The following GPM6B variants were observed in gnomAD, a reference collection of about 807,000 sequenced individuals.
GPM6B encodes neuronal membrane glycoprotein M6-b.
In GPM6B, 4 loss-of-function variants were observed where a neutral mutation model predicts 27.2. The observed-to-expected ratio is 0.15, with a 90% CI of 0.07 to 0.34. The LOEUF (loss-of-function observed/expected upper bound fraction) is 0.34, where lower values mean the gene tolerates loss of function less well. GPM6B is among the 10% of genes least tolerant of loss of function. The pLI is 1.00. For missense variants in GPM6B, 183 were observed against 261.9 expected (o/e 0.70, Z 2.08); for synonymous variants, 124 against 103.1 (o/e 1.20, Z -1.23).
At chrX:13,775,429 A>G (rs1429468820) in intron 7 of GPM6B, among the ~76,000 whole-genome samples, 2 of 112,569 alleles carry the variant, frequency 1.8e-5, no homozygotes, top group East Asian at 5.6e-4. Context: ...GTATACTCGA[A>G]GTATATTTAG....
intron 2 of GPM6B, among the ~76,000 whole-genome samples, chrX:13,802,598 T>C (rs1290218636): frequency 9.0e-6 from 1 of 110,967 alleles, no homozygotes; most frequent in Non-Finnish European, 1.9e-5. Flanking sequence ...GTAAATAAAC[T>C]ATAAAATCGT....
At chrX:13,849,084 C>A (rs1388244323) in intron 1 of GPM6B, among the ~76,000 whole-genome samples, 1 of 111,899 alleles carries the variant, frequency 8.9e-6, no homozygotes, top group Non-Finnish European at 1.9e-5. Flanking sequence ...TAAATAAGCT[C>A]ATCGAATTTT....
intron 4 of GPM6B, 92 bp from the exon 5 acceptor site, chrX:13,780,081 C>G (rs1271506671): frequency 1.0e-5 from 8 of 766,685 alleles, no homozygotes; most frequent in Non-Finnish European, 1.5e-5. Flanking sequence ...AGGCCCAATA[C>G]TGACCTGTGG....
chrX:13,931,255 C>G (rs1358692860), intron 1 of GPM6B, among the ~76,000 whole-genome samples: 1 of 110,176 alleles, frequency 9.1e-6, no homozygotes, highest in Non-Finnish European at 1.9e-5. Flanking sequence ...GCCTGTAATC[C>G]CAGCACTTTG....
intron 1 of GPM6B, among the ~76,000 whole-genome samples, chrX:13,823,790 G>T (rs897713572): frequency 1.8e-5 from 2 of 112,079 alleles, no homozygotes; most frequent in Non-Finnish European, 3.8e-5. Context: ...AAAGTGCTGC[G>T]ATTAGGCATG....
At chrX:13,924,147 C>T (rs1921057038) in intron 1 of GPM6B, among the ~76,000 whole-genome samples, 1 of 112,375 alleles carries the variant, frequency 8.9e-6, no homozygotes, top group South Asian at 3.7e-4. Flanking sequence ...AATTGCTACA[C>T]AGCAGACTCA....
intron 1 of GPM6B, among the ~76,000 whole-genome samples, chrX:13,909,637 T>C (rs1354855202): frequency 9.0e-6 from 1 of 111,261 alleles, no homozygotes; most frequent in Non-Finnish European, 1.9e-5. Context: ...GTCACAGTTT[T>C]CATAAATCAT....
chrX:13,861,031 CACACACACACACATAT>C (rs1419915462), intron 1 of GPM6B, among the ~76,000 whole-genome samples: 1,925 of 81,165 alleles, frequency 0.024, 32 homozygotes, highest in East Asian at 0.068. Flanking sequence ...CACACACACA[CACACACACACACATAT>C]ATACATATAT....
intron 1 of GPM6B, among the ~76,000 whole-genome samples, chrX:13,930,446 C>G (rs1163918799): frequency 9.0e-6 from 1 of 111,110 alleles, no homozygotes; most frequent in Non-Finnish European, 1.9e-5. Context: ...AACCCCGTCT[C>G]TACTAAAAAT....
chrX:13,837,445 G>A (rs758597488), intron 1 of GPM6B, among the ~76,000 whole-genome samples: 3 of 111,291 alleles, frequency 2.7e-5, no homozygotes, highest in Middle Eastern at 4.7e-3. Flanking sequence ...AGACCCATGA[G>A]AACCCACTCA....
At chrX:13,829,661 G>A (rs2049416357) in intron 1 of GPM6B, among the ~76,000 whole-genome samples, 1 of 110,958 alleles carries the variant, frequency 9.0e-6, no homozygotes, top group Non-Finnish European at 1.9e-5. Flanking sequence ...TCCTCCCTGA[G>A]GAGGTCCAAT....
intron 1 of GPM6B, among the ~76,000 whole-genome samples, chrX:13,910,153 G>A (rs1249589958): frequency 8.9e-6 from 1 of 112,111 alleles, no homozygotes; most frequent in African/African-American, 3.2e-5. Flanking sequence ...CCCCTTAACC[G>A]GCAATGTTTG....
At chrX:13,774,659 C>T in intron 7 of GPM6B, 1 of 1,088,250 alleles carries the variant, frequency 9.2e-7, no homozygotes, top group Non-Finnish European at 1.3e-6. Context: ...CAGTAAGATA[C>T]AGGCAGTGAG....
intron 1 of GPM6B, among the ~76,000 whole-genome samples, chrX:13,824,028 C>T (rs891989802): frequency 3.6e-5 from 4 of 112,027 alleles, no homozygotes; most frequent in African/African-American, 6.5e-5. Context: ...AAGTCAAGGT[C>T]GGTATTGCTG....
chrX:13,900,738 T>TA (rs943936946), intron 1 of GPM6B, among the ~76,000 whole-genome samples: 3 of 112,045 alleles, frequency 2.7e-5, no homozygotes, highest in African/African-American at 6.5e-5. Flanking sequence ...GGATAGTCTC[T>TA]AAAAAAAGCG....
At chrX:13,885,827 A>C (rs1455584523) in intron 1 of GPM6B, among the ~76,000 whole-genome samples, 1 of 111,788 alleles carries the variant, frequency 8.9e-6, no homozygotes, top group East Asian at 2.8e-4. Flanking sequence ...GGAGAAGCAA[A>C]GGGTGCGTGC....
chrX:13,823,302 C>T (rs1326057252), intron 1 of GPM6B, among the ~76,000 whole-genome samples: 1 of 112,005 alleles, frequency 8.9e-6, no homozygotes, highest in Non-Finnish European at 1.9e-5. Context: ...CCAGGCAGGT[C>T]ACTGTCATGA....
intron 1 of GPM6B, among the ~76,000 whole-genome samples, chrX:13,825,656 G>T (rs1647401542): frequency 8.9e-6 from 1 of 112,902 alleles, no homozygotes; most frequent in African/African-American, 3.2e-5. Context: ...CACTTTACAG[G>T]GGGGCTACAG....
intron 7 of GPM6B, chrX:13,773,979 T>TTC (rs869053023): frequency 9.4e-5 from 65 of 688,668 alleles, no homozygotes; most frequent in East Asian, 3.3e-4. Flanking sequence ...TTTTTTTTTT[T>TTC]CCAGAGAACT....
Sources: allele counts gnomAD v4.1 joint callset (sites outside exome capture counted in the v4.1 genomes callset), GRCh38; gene constraint gnomAD v4.1.1; transcripts MANE v1.5; gene names NCBI Gene and HGNC (gene_info 2026-07-23, HGNC 2026-07-21).